MAOB: variants seen among roughly 807,000 people sequenced by gnomAD.
MAOB encodes the protein amine oxidase [flavin-containing] B.
Under a neutral mutation model 41.9 loss-of-function variants are expected in MAOB, and 15 were observed. That is an observed-to-expected ratio of 0.36 (90% CI 0.24 to 0.55). The LOEUF (loss-of-function observed/expected upper bound fraction) is 0.55. Ranked by LOEUF, MAOB falls within the 20% of genes least tolerant of loss-of-function variation. The pLI, the probability that MAOB is intolerant of heterozygous loss-of-function variation, is 0.86. For missense variants in MAOB, 345 were observed against 398.7 expected, an observed-to-expected ratio of 0.87 and a Z score of 1.15; for synonymous variants, 167 against 144.2, an observed-to-expected ratio of 1.16 and a Z score of -1.13.
chrX:43,837,868 G>A (rs2035089455), intron 3 of MAOB: 1 of 328,797 alleles, frequency 3.0e-6, no homozygotes, highest in Non-Finnish European at 5.9e-6. Flanking sequence ...GCCCAGATTA[G>A]GTGACTGTCT....
At chrX:43,839,731 T>G (rs1293210021) in intron 2 of MAOB, among the ~76,000 whole-genome samples, 1 of 112,179 alleles carries the variant, frequency 8.9e-6, no homozygotes, top group Admixed American at 9.5e-5. Flanking sequence ...CTCACTAAAG[T>G]ATTCCAAACT....
intron 1 of MAOB, chrX:43,844,515 A>G (rs1384424835): frequency 1.8e-5 from 2 of 111,848 alleles, no homozygotes; most frequent in East Asian, 5.6e-4. Flanking sequence ...CCTAGATGGC[A>G]GGTGAAGCAT....
In MAOB at chrX:43,795,783, T is replaced by C; in HGVS notation, c.724A>G (p.Arg242Gly). The C allele has an allele frequency of 8.3e-7, 1 of 1,210,207 alleles. No homozygotes were observed. Among genetic ancestry groups the C allele is most frequent in the Non-Finnish European group, 1.1e-6 (1 of 894,139 alleles). ...ERPVIYIDQTRENVLVETLNH... is the reference protein window; with the variant it reads ...ERPVIYIDQTGENVLVETLNH... ...AGGGTCTCCACAAGGACATTTTCTC[T>C]TGTCTGGTCAATGTAGATCACAGGC... The change falls in exon 7 of 15, where the codon AGA becomes GGA. Residue 242 changes from arginine (R) to glycine (G), a missense_variant. Physicochemically the swap from Arg to Gly is moderately radical, Grantham distance 125. Coordinates refer to ENST00000378069, the MANE Select transcript of MAOB (RefSeq NM_000898.5).
At chrX:43,814,247 G>C (rs903705265) in intron 3 of MAOB, among the ~76,000 whole-genome samples, 3 of 111,346 alleles carry the variant, frequency 2.7e-5, no homozygotes, top group African/African-American at 9.8e-5. Context: ...GCTGCCAAAA[G>C]AAGGTGGCTG....
In MAOB at chrX:43,843,676, A is replaced by T. The variant is rs1378510741; in HGVS notation, c.135T>A (p.Thr45=). 5.8e-6 allele frequency: 7 copies of T among 1,207,860 alleles called. No individual in the cohort carries two copies. Among genetic ancestry groups the T allele is most frequent in the Non-Finnish European group, 7.8e-6 (7 of 894,124 alleles). Reference sequence around the variant, plus strand: ...CGGATTCTTAATGCCTTACCCTAAGAGTGTAAGTCCTGCCTCCCACACGGT... The same window carrying T: ...CGGATTCTTAATGCCTTACCCTAAGTGTGTAAGTCCTGCCTCCCACACGGT... ...ARDRVGGRTY[T]LRNQKVKYVD... The change falls in exon 2 of 15, where the codon ACT becomes ACA. Residue 45 remains threonine, a synonymous_variant. Coordinates refer to ENST00000378069, the MANE Select transcript of MAOB (RefSeq NM_000898.5).
chrX:43,819,830 A>G (rs780559059), intron 3 of MAOB, among the ~76,000 whole-genome samples: 1 of 112,243 alleles, frequency 8.9e-6, no homozygotes, highest in African/African-American at 3.2e-5. Context: ...AATGAGACAT[A>G]GAGCAATAGC....
At chrX:43,803,728 G>A (rs2034627513) in intron 3 of MAOB, among the ~76,000 whole-genome samples, 1 of 111,848 alleles carries the variant, frequency 8.9e-6, no homozygotes, top group Non-Finnish European at 1.9e-5. Context: ...TTTGTCAATG[G>A]TACTTGCAAA....
chrX:43,835,142 C>T (rs1390621829), intron 3 of MAOB, among the ~76,000 whole-genome samples: 1 of 112,580 alleles, frequency 8.9e-6, no homozygotes, highest in African/African-American at 3.2e-5. Context: ...CACGCATGCA[C>T]ATGTAAACAC....
chrX:43,786,090 A>G (rs1046447501), intron 8 of MAOB, among the ~76,000 whole-genome samples: 9 of 112,017 alleles, frequency 8.0e-5, no homozygotes, highest in Admixed American at 2.8e-4. Context: ...AGTGCAATAA[A>G]GTGAAGTTCA....
intron 6 of MAOB, among the ~76,000 whole-genome samples, chrX:43,796,421 C>T (rs995139271): frequency 9.0e-6 from 1 of 111,494 alleles, no homozygotes; most frequent in Non-Finnish European, 1.9e-5. Context: ...CATTTCACCT[C>T]ACTGTACCCA....
chrX:43,767,269 C>T lies in MAOB; in HGVS notation c.*197G>A. On this transcript the variant is annotated 3_prime_UTR_variant, in exon 15 of 15. Transcript: ENST00000378069. ...GAAACTGGTGAAACAGAACGCTAAG[C>T]CAGGTAAGGGACACTAAGCAGGGGC... The T allele has an allele frequency of 2.7e-6, 1 of 374,076 alleles. No homozygotes were observed. Among genetic ancestry groups the T allele is most frequent in the Admixed American group, 4.8e-5 (1 of 20,872 alleles). 30.8% of individuals were successfully genotyped at this position (374,076 alleles called of 1,213,427 possible). A position where few individuals can be genotyped will look rare whatever the true frequency, so the allele number is the denominator to read the frequency against.
Position 43,878,342 on chromosome X carries a change from A to G in MAOB, c.46+3912T>C, listed in dbSNP as rs150039683. Among the ~76,000 whole-genome samples, 772 of 109,504 alleles carry G rather than the reference A, an allele frequency of 7.0e-3. 7 individuals carry two copies. Among genetic ancestry groups the G allele is most frequent in the African/African-American group, 0.024 (715 of 29,976 alleles). ...CTGCAGCCTCGAGCTCCTGGACTCAAGTGATCCTCCCACTTCAGCCTCCAG... is the reference window on the plus strand; with the variant it reads ...CTGCAGCCTCGAGCTCCTGGACTCAGGTGATCCTCCCACTTCAGCCTCCAG... On this transcript the variant is annotated intron_variant, in intron 1 of 14. Coordinates refer to ENST00000378069, the MANE Select transcript of MAOB (RefSeq NM_000898.5).
intron 10 of MAOB, 68 bp from the exon 11 acceptor site, chrX:43,778,807 G>A: frequency 2.5e-6 from 2 of 811,892 alleles, no homozygotes; most frequent in South Asian, 2.4e-5. Context: ...GTGGGAAAGA[G>A]GCATTTATCC....
In MAOB at chrX:43,831,439, G is replaced by A. The variant is rs147264542; in HGVS notation, c.279+7429C>T. The stretch of plus-strand genomic sequence containing the variant: ...CATCAAGTTAAACAAAAAAAAAGCC[G>A]TAACATTTGGTGTATGACATTCCAG... On this transcript the variant is annotated intron_variant, in intron 3 of 14. Coordinates refer to ENST00000378069, the MANE Select transcript of MAOB (RefSeq NM_000898.5). Among the ~76,000 whole-genome samples, 915 of 111,102 alleles carry A rather than the reference G, an allele frequency of 8.2e-3. 10 individuals are homozygous for A. The highest frequency in any genetic ancestry group is 0.028 in the African/African-American group (861 of 30,537).
At chrX:43,801,375 T>A (rs1262101092) in intron 5 of MAOB, among the ~76,000 whole-genome samples, 2 of 111,501 alleles carry the variant, frequency 1.8e-5, no homozygotes, top group East Asian at 5.6e-4. Context: ...AGTGAATGAA[T>A]GCCTAAAAAT....
At chrX:43,860,076 T>C (rs1039011871) in intron 1 of MAOB, among the ~76,000 whole-genome samples, 2 of 112,055 alleles carry the variant, frequency 1.8e-5, no homozygotes, top group African/African-American at 6.5e-5. Flanking sequence ...TGTCTTCACT[T>C]GTTTCTGAAC....
At position 43,781,470 on chromosome X, in the gene MAOB, C is replaced by T. The variant is rs1485643748; in HGVS notation, c.1003G>A (p.Gly335Ser). 11 of 1,191,948 alleles carry T rather than the reference C, an allele frequency of 9.2e-6. No homozygotes were observed. Among genetic ancestry groups the T allele is most frequent in the East Asian group, 3.0e-5 (1 of 33,163 alleles). The change falls in exon 9 of 15, where the codon GGC (glycine) becomes AGC (serine). Residue 335 changes from glycine (G) to serine (S), a missense_variant. Gly to Ser is a moderately conservative substitution (Grantham distance 56, BLOSUM62 0). Coordinates refer to ENST00000378069, the MANE Select transcript of MAOB (RefSeq NM_000898.5). The stretch of plus-strand genomic sequence containing the variant: ...TACCCCATTATGGCAGCATAGTTGC[C>T]TTCAGGTTTGGTATCATCCAACGTG... ...AYTLDDTKPE[G>S]NYAAIMGFIL...
chrX:43,809,981 C>T (rs372685408), intron 3 of MAOB, among the ~76,000 whole-genome samples: 1 of 101,507 alleles, frequency 9.9e-6, no homozygotes, highest in African/African-American at 4.5e-5. Flanking sequence ...CGGTGGCTCA[C>T]GCCTGTAATC....
At chrX:43,846,879 G>T (rs2035208041) in intron 1 of MAOB, among the ~76,000 whole-genome samples, 1 of 111,498 alleles carries the variant, frequency 9.0e-6, no homozygotes, top group Non-Finnish European at 1.9e-5. Flanking sequence ...ATGAGAGATG[G>T]TATATCCTCT....
Sources: gnomAD v4.1 joint callset for allele counts (sites outside exome capture counted in the v4.1 genomes callset) on GRCh38, gnomAD v4.1.1 for gene constraint, MANE v1.5 for transcripts, NCBI Gene and HGNC (gene_info 2026-07-23, HGNC 2026-07-21) for gene names.